Variants in SALL3 observed in about 807,000 individuals in gnomAD.
The protein encoded by SALL3 is spalt like transcription factor 3, also known as sal-like protein 3.
A neutral mutation model predicts 66.2 loss-of-function variants in SALL3; 25 were observed. The ratio of observed to expected loss-of-function variants is 0.38; its 90% CI spans 0.28 to 0.53. The LOEUF is 0.53. Among genes scored for constraint, SALL3 ranks in the 20% least tolerant of loss-of-function variants. The probability of loss-of-function intolerance (pLI) is 0.85; values close to 1 mark genes in which losing one functional copy is unlikely to be tolerated. For synonymous variants in SALL3, 1,152 were observed against 899.1 expected (o/e 1.28, Z -5.03); for missense variants, 2,194 against 1,916.5 (o/e 1.14, Z -2.70).
Position 78,992,860 on chromosome 18 carries a change from A to G in SALL3, c.869A>G (p.Gln290Arg). Residue 290 changes from glutamine (Q) to arginine (R), a missense_variant, in exon 2 of 3, where the codon CAG becomes CGG. Transcript: ENST00000537592. ...PAAPAAFEGA[Q>R]PLSRPESGAS... ...GCCCCGGCCGCCTTCGAGGGCGCGC[A>G]GCCGCTGTCCCGGCCCGAGTCTGGC... 1 of 982,258 alleles carries G rather than the reference A, an allele frequency of 1.0e-6. No individual in the cohort carries two copies. Among genetic ancestry groups the G allele is most frequent in the Non-Finnish European group, 1.2e-6 (1 of 829,642 alleles). 60.8% of individuals were successfully genotyped at this position (982,258 alleles called of 1,614,324 possible).
Position 78,980,176 on chromosome 18 carries a change from C to T in SALL3, c.-99C>T, listed in dbSNP as rs1027818995. The T allele has an allele frequency of 6.8e-6, 2 of 292,318 alleles. No individual in the cohort carries two copies. The highest frequency in any genetic ancestry group is 1.0e-5 in the Non-Finnish European group (2 of 199,754). The allele number at this position is 292,318 out of a possible 1,614,324, so 18.1% of individuals were successfully genotyped here. Reference sequence around the variant, plus strand: ...GGCCCGCGCAGCCGCCGCCGCCCCGCGCCCCGCGCCGCGCGCCCGCCAGGC... The same window carrying T: ...GGCCCGCGCAGCCGCCGCCGCCCCGTGCCCCGCGCCGCGCGCCCGCCAGGC... On this transcript the variant is annotated 5_prime_UTR_variant, in exon 1 of 3. Transcript: ENST00000537592.
rs1914509448 is a variant in SALL3, at chr18:78,992,916, A to G, written c.925A>G (p.Ser309Gly). 2.0e-6 allele frequency: 2 copies of G among 988,010 alleles called. No homozygotes were observed. The highest frequency in any genetic ancestry group is 5.1e-4 in the Middle Eastern group (1 of 1,944). 61.2% of individuals were successfully genotyped at this position (988,010 alleles called of 1,614,324 possible). ...CACCCCCGGCGGCCCTGCGGAGCCCAGCGCGCCCGCCGCCCCCAGCGCCGC... is the reference window on the plus strand; with the variant it reads ...CACCCCCGGCGGCCCTGCGGAGCCCGGCGCGCCCGCCGCCCCCAGCGCCGC... Reference protein sequence around the residue: ...ASTPGGPAEPSAPAAPSAAPA... With the variant: ...ASTPGGPAEPGAPAAPSAAPA... Residue 309 changes from serine to glycine, a missense_variant, in exon 2 of 3, where the codon AGC (serine) becomes GGC (glycine). Ser to Gly is a moderately conservative substitution (Grantham distance 56). Transcript: ENST00000537592.
chr18:78,980,235 A>C lies in SALL3; in HGVS notation c.-40A>C, dbSNP rs1239285941. 2 of 1,038,082 alleles carry C rather than the reference A, an allele frequency of 1.9e-6. No homozygotes were observed. Among genetic ancestry groups the C allele is most frequent in the African/African-American group, 1.8e-5 (1 of 56,988 alleles). The allele number at this position is 1,038,082 out of a possible 1,614,324, so 64.3% of individuals were successfully genotyped here. ...GCCGTCCCCGCCGGCCGCCCCGCTG[A>C]TGCCGCTGCCCCGCGCGGGGCCCGA... On this transcript the variant is annotated 5_prime_UTR_variant, in exon 1 of 3. The change abolishes an upstream ATG in the 5' untranslated region. Transcript: ENST00000537592.
rs1913974374 is a variant in SALL3 at position 78,980,322 on chromosome 18, G to A, written c.48G>A (p.Glu16=). 2.1e-6 allele frequency: 3 copies of A among 1,442,030 alleles called. No individual in the cohort carries two copies. The highest frequency in any genetic ancestry group is 2.7e-6 in the Non-Finnish European group (3 of 1,092,056). The allele number at this position is 1,442,030 out of a possible 1,614,324, so 89.3% of individuals were successfully genotyped here. Residue 16 remains glutamate (E), a synonymous_variant, in exon 1 of 3, where the codon GAG becomes GAA. Transcript: ENST00000537592. ...AGCCCCAGCACCTCAAGTCGGACGA[G>A]GAGCTGCTGCCGCCTGACGGGGCTC... The part of the protein sequence containing the change: ...QAKPQHLKSD[E]ELLPPDGAPE...
rs1914630510 is a variant in SALL3, at chr18:78,994,900, A to G, written c.2909A>G (p.Glu970Gly). The G allele has an allele frequency of 1.9e-6, 3 of 1,612,512 alleles. No individual in the cohort carries two copies. Among genetic ancestry groups the G allele is most frequent in the African/African-American group, 1.3e-5 (1 of 74,900 alleles). The change falls in exon 2 of 3, where the codon GAG becomes GGG. Residue 970 changes from glutamate (E) to glycine (G), a missense_variant. Coordinates refer to ENST00000537592, the MANE Select transcript of SALL3 (RefSeq NM_171999.4). ...APFSLLFLSR[E>G]RGKCPSTVCG... Reference sequence around the variant, plus strand: ...TTCAGCCTGCTGTTCCTGAGCAGGGAGCGGGGTAAGTGTCCCAGCACTGTG... The same window carrying G: ...TTCAGCCTGCTGTTCCTGAGCAGGGGGCGGGGTAAGTGTCCCAGCACTGTG...
chr18:78,998,192 A>G lies in SALL3; in HGVS notation c.*870A>G, dbSNP rs942538487. ...TTTCACATTATCAAAGCTGTACAATAAAAAGGTAATGTTTGTATAATGTGG... is the reference window on the plus strand; with the variant it reads ...TTTCACATTATCAAAGCTGTACAATGAAAAGGTAATGTTTGTATAATGTGG... On this transcript the variant is annotated 3_prime_UTR_variant, in exon 3 of 3. Transcript: ENST00000537592. 1.0e-4 allele frequency: 16 copies of G among 152,538 alleles called. No homozygotes were observed. Among genetic ancestry groups the G allele is most frequent in the African/African-American group, 2.9e-4 (12 of 41,452 alleles). 9.4% of individuals were successfully genotyped at this position (152,538 alleles called of 1,614,324 possible).
In SALL3 at chr18:78,992,963, CCCGGCG is replaced by C; in HGVS notation, c.975_980del (p.Ala328_Pro329del). 2 of 1,202,564 alleles carry C rather than the reference CCCGGCG, an allele frequency of 1.7e-6. No homozygotes were observed. Among genetic ancestry groups the C allele is most frequent in the Non-Finnish European group, 2.1e-6 (2 of 970,144 alleles). The allele number at this position is 1,202,564 out of a possible 1,614,324, so 74.5% of individuals were successfully genotyped here. The stretch of plus-strand genomic sequence containing the variant: ...CCGCCCCTGCCCCCGCTGCCCCCGC[CCCGGCG>C]CCAGCGCCGCAGAGCGCAGCCTCGT... On this transcript the variant is annotated inframe_deletion, in exon 2 of 3. Coordinates refer to ENST00000537592, the MANE Select transcript of SALL3 (RefSeq NM_171999.4).
chr18:78,984,780 T>C (rs1414801572), intron 1 of SALL3, among the ~76,000 whole-genome samples: 1 of 152,232 alleles, frequency 6.6e-6, no homozygotes, highest in Admixed American at 6.5e-5. Flanking sequence ...GTTTCTATGT[T>C]AGAGATGAAG....
intron 1 of SALL3, among the ~76,000 whole-genome samples, chr18:78,988,457 A>G (rs1914317701): frequency 6.6e-6 from 1 of 152,372 alleles, no homozygotes; most frequent in South Asian, 2.1e-4. Flanking sequence ...TCAGTCTGCA[A>G]GCCAGCAAAA....
rs776371134 is a variant in SALL3, at chr18:78,993,767, C to T, written c.1776C>T (p.Pro592=). The change falls in exon 2 of 3, where the codon CCC becomes CCT. Residue 592 remains proline, a synonymous_variant. Transcript: ENST00000537592. ...ESPQSLLGGP[P]LTKAEPVSLP... Reference sequence around the variant, plus strand: ...CACAGTCGCTCCTCGGCGGGCCGCCCCTCACTAAAGCCGAGCCCGTCAGCC... The same window carrying T: ...CACAGTCGCTCCTCGGCGGGCCGCCTCTCACTAAAGCCGAGCCCGTCAGCC... The T allele has an allele frequency of 9.1e-6, 14 of 1,546,630 alleles. No homozygotes were observed. Among genetic ancestry groups the T allele is most frequent in the African/African-American group, 1.4e-5 (1 of 73,086 alleles).
intron 1 of SALL3, among the ~76,000 whole-genome samples, chr18:78,983,480 T>G (rs1044300088): frequency 6.6e-6 from 1 of 152,272 alleles, no homozygotes; most frequent in Non-Finnish European, 1.5e-5. Context: ...TTTACCATCC[T>G]GTATTTTGTT....
chr18:78,996,586 C>T (rs544067564), intron 2 of SALL3, among the ~76,000 whole-genome samples: 5 of 152,344 alleles, frequency 3.3e-5, no homozygotes, highest in Non-Finnish European at 5.9e-5. Context: ...CCGGACCCTT[C>T]GAGCTCCAGA....
At chr18:78,996,391 A>G (rs1914693141) in intron 2 of SALL3, among the ~76,000 whole-genome samples, 1 of 152,246 alleles carries the variant, frequency 6.6e-6, no homozygotes, top group African/African-American at 2.4e-5. Flanking sequence ...CGTGGGCTGG[A>G]TAAGAACTGC....
At position 78,996,902 on chromosome 18, in the gene SALL3, G is replaced by A. The variant is rs779059581; in HGVS notation, c.3483G>A (p.Gly1161=). 2.5e-5 allele frequency: 40 copies of A among 1,609,784 alleles called. No homozygotes were observed. The highest frequency in any genetic ancestry group is 3.2e-5 in the Non-Finnish European group (38 of 1,177,554). Reference sequence around the variant, plus strand: ...CGTGTCTCGCGCAGGTGCACATGGGGACACACATGTGGAATAACGCCCCCG... The same window carrying A: ...CGTGTCTCGCGCAGGTGCACATGGGAACACACATGTGGAATAACGCCCCCG... ...TTKGNLKVHM[G]THMWNNAPAR... The change falls in exon 3 of 3, where the codon GGG becomes GGA. Residue 1161 remains glycine, a synonymous_variant. Transcript: ENST00000537592.
Position 78,996,875 on chromosome 18 carries a change from T to C in SALL3, c.3472-16T>C. ...TCTAGGCACTTACTCGTGGGCTGTC[T>C]CCGTGTCTCGCGCAGGTGCACATGG... is the stretch of plus-strand genomic sequence containing the variant. On this transcript the variant is annotated splice_polypyrimidine_tract_variant and intron_variant, in intron 2 of 2. Coordinates refer to ENST00000537592, the MANE Select transcript of SALL3 (RefSeq NM_171999.4). The C allele has an allele frequency of 1.3e-6, 2 of 1,592,104 alleles. No homozygotes were observed. The highest frequency in any genetic ancestry group is 2.2e-5 in the East Asian group (1 of 44,468).
At position 78,993,193 on chromosome 18, in the gene SALL3, C is replaced by A; in HGVS notation, c.1202C>A (p.Pro401Gln). 1 of 1,610,926 alleles carries A rather than the reference C, an allele frequency of 6.2e-7. No homozygotes were observed. Among genetic ancestry groups the A allele is most frequent in the Non-Finnish European group, 8.5e-7 (1 of 1,179,444 alleles). Reference sequence around the variant, plus strand: ...CTCATGAAGCACCGCAAGGGCAAGCCGCCCAATGTGTCGGTGTTCGAGCCC... The same window carrying A: ...CTCATGAAGCACCGCAAGGGCAAGCAGCCCAATGTGTCGGTGTTCGAGCCC... ...SALMKHRKGK[P>Q]PNVSVFEPKA... Residue 401 changes from proline (P) to glutamine (Q), a missense_variant, in exon 2 of 3, where the codon CCG becomes CAG. Pro to Gln is a moderately conservative substitution (Grantham distance 76). Coordinates refer to ENST00000537592, the MANE Select transcript of SALL3 (RefSeq NM_171999.4).
At chr18:78,989,947 TAAA>T (rs914481586) in intron 1 of SALL3, among the ~76,000 whole-genome samples, 8 of 152,330 alleles carry the variant, frequency 5.3e-5, no homozygotes, top group African/African-American at 1.9e-4. Context: ...ATTCCACTCT[TAAA>T]AAGAAATTTA....
chr18:78,992,577 G>A lies in SALL3; in HGVS notation c.586G>A (p.Gly196Ser). Residue 196 changes from glycine (G) to serine (S), a missense_variant, in exon 2 of 3, where the codon GGC (glycine) becomes AGC (serine). Physicochemically the swap from Gly to Ser is moderately conservative, Grantham distance 56 (BLOSUM62 0). Transcript: ENST00000537592. ...RAAGGSGAGG[G>S]VAAAAVPLIL... ...GGCAGGCGGCTCGGGAGCAGGTGGA[G>A]GCGTGGCAGCTGCAGCCGTGCCCCT... 1 of 1,506,850 alleles carries A rather than the reference G, an allele frequency of 6.6e-7. No homozygotes were observed. Among genetic ancestry groups the A allele is most frequent in the Non-Finnish European group, 8.8e-7 (1 of 1,135,494 alleles). The allele number at this position is 1,506,850 out of a possible 1,614,324, so 93.3% of individuals were successfully genotyped here.
rs1472017786 is a variant in SALL3, at chr18:78,997,296, G to A, written c.3877G>A (p.Asp1293Asn). 1.2e-6 allele frequency: 2 copies of A among 1,613,874 alleles called. No individual in the cohort carries two copies. Among genetic ancestry groups the A allele is most frequent in the South Asian group, 1.1e-5 (1 of 91,064 alleles). ...ASRPFTRFIEDNKEIGIN is the reference protein window; with the variant it reads ...ASRPFTRFIENNKEIGIN ...CCGCCCATTCACGCGGTTTATCGAG[G>A]ATAACAAGGAGATTGGTATCAACTA... Residue 1293 changes from aspartate (D) to asparagine (N), a missense_variant, in exon 3 of 3, where the codon GAT (aspartate) becomes AAT (asparagine). Asp to Asn is a conservative substitution (Grantham distance 23, BLOSUM62 1). Coordinates refer to ENST00000537592, the MANE Select transcript of SALL3 (RefSeq NM_171999.4).
Sources: allele counts gnomAD v4.1 joint callset (sites outside exome capture counted in the v4.1 genomes callset), GRCh38; gene constraint gnomAD v4.1.1; transcripts MANE v1.5; gene names NCBI Gene and HGNC (gene_info 2026-07-23, HGNC 2026-07-21).